HSF2BP: variants seen among roughly 807,000 people sequenced by gnomAD.
HSF2BP encodes the protein heat shock factor 2-binding protein.
In HSF2BP, 35 loss-of-function variants were observed where a neutral mutation model predicts 35.0. The ratio of observed to expected loss-of-function variants is 1.00; its 90% CI spans 0.76 to 1.32. The LOEUF (loss-of-function observed/expected upper bound fraction) is 1.32. Among genes scored for constraint, HSF2BP ranks in the 40% most tolerant of loss-of-function variants. HSF2BP has a pLI of 0.00. For synonymous variants in HSF2BP, 114 were observed against 117.4 expected (o/e 0.97, Z 0.18); for missense variants, 326 against 321.7 (o/e 1.01, Z -0.10).
chr21:43,605,357 C>A (rs2082119701), intron 7 of HSF2BP, among the ~76,000 whole-genome samples: 1 of 148,908 alleles, frequency 6.7e-6, no homozygotes, highest in African/African-American at 2.5e-5. Flanking sequence ...CCCACAAACA[C>A]ACATCACCCA....
intron 4 of HSF2BP, 41 bp from the exon 5 acceptor site, chr21:43,633,462 A>C: frequency 1.3e-6 from 2 of 1,509,304 alleles, no homozygotes; most frequent in Non-Finnish European, 1.8e-6. Context: ...AATAGCATTC[A>C]ACCTTGATAT....
At chr21:43,591,719 C>T (rs1053829726) in intron 8 of HSF2BP, among the ~76,000 whole-genome samples, 2 of 152,178 alleles carry the variant, frequency 1.3e-5, no homozygotes, top group African/African-American at 4.8e-5. Flanking sequence ...GGTCTGGAAA[C>T]ATCAAATGGA....
chr21:43,622,130 T>G (rs550749390), intron 6 of HSF2BP, among the ~76,000 whole-genome samples: 1 of 152,318 alleles, frequency 6.6e-6, no homozygotes, highest in Admixed American at 6.5e-5. Context: ...TCTAAAGATT[T>G]TTTTGTAAGC....
intron 7 of HSF2BP, among the ~76,000 whole-genome samples, chr21:43,598,966 A>T: frequency 6.6e-6 from 1 of 152,220 alleles, no homozygotes; most frequent in East Asian, 1.9e-4. Flanking sequence ...AGAGCCTAAA[A>T]TATTTTCTGT....
At chr21:43,621,464 C>G (rs749446788) in intron 6 of HSF2BP, among the ~76,000 whole-genome samples, 1 of 151,666 alleles carries the variant, frequency 6.6e-6, no homozygotes, top group Non-Finnish European at 1.5e-5. Context: ...GAGTGGAAGG[C>G]TGCAGTGAGC....
At chr21:43,628,788 A>G (rs1021819330) in intron 6 of HSF2BP, among the ~76,000 whole-genome samples, 3 of 152,216 alleles carry the variant, frequency 2.0e-5, no homozygotes, top group African/African-American at 7.2e-5. Context: ...TTAGGGGCCA[A>G]TGGTGCGGGT....
chr21:43,605,946 G>A (rs1303936297), intron 7 of HSF2BP, among the ~76,000 whole-genome samples: 2 of 152,106 alleles, frequency 1.3e-5, no homozygotes, highest in African/African-American at 2.4e-5. Context: ...ACGTGCCTCT[G>A]ACACGTGAGA....
intron 8 of HSF2BP, among the ~76,000 whole-genome samples, chr21:43,591,137 T>A (rs1012542812): frequency 1.3e-5 from 2 of 152,226 alleles, no homozygotes; most frequent in Admixed American, 1.3e-4. Flanking sequence ...GGGTGAAATG[T>A]ATACTCATTA....
Position 43,630,434 on chromosome 21 carries a change from G to A in HSF2BP, c.462C>T (p.Phe154=), listed in dbSNP as rs775098572. Residue 154 remains phenylalanine, a synonymous_variant, in exon 6 of 9, where the codon TTC becomes TTT. Transcript: ENST00000291560. ...TCTCCATTGTTTGACCAGTGATGCT[G>A]AAAAACTTCAAAGCTTTATCCTGAA... is the stretch of plus-strand genomic sequence containing the variant. ...ILGGDKALKF[F]SITGQTMESF... 3.7e-6 allele frequency: 6 copies of A among 1,611,960 alleles called. 1 individual carries two copies. The highest frequency in any genetic ancestry group is 3.3e-5 in the South Asian group (3 of 90,566).
intron 7 of HSF2BP, chr21:43,609,744 T>A (rs1300535045): frequency 6.6e-6 from 1 of 152,240 alleles, no homozygotes; most frequent in Non-Finnish European, 1.5e-5. Context: ...GCCATGAGCA[T>A]GTTGGAAGGC....
At chr21:43,614,560 G>T (rs957562849) in intron 6 of HSF2BP, among the ~76,000 whole-genome samples, 3 of 152,016 alleles carry the variant, frequency 2.0e-5, no homozygotes, top group Non-Finnish European at 4.4e-5. Context: ...GGGCAGTCAG[G>T]GTCCAAACAT....
intron 3 of HSF2BP, among the ~76,000 whole-genome samples, chr21:43,653,582 G>A (rs1186199948): frequency 6.6e-6 from 1 of 152,236 alleles, no homozygotes; most frequent in Non-Finnish European, 1.5e-5. Flanking sequence ...TTAAGCCGTA[G>A]TATGGTTTTG....
intron 6 of HSF2BP, among the ~76,000 whole-genome samples, chr21:43,619,046 C>T (rs1032248053): frequency 6.6e-6 from 1 of 152,080 alleles, no homozygotes; most frequent in Non-Finnish European, 1.5e-5. Flanking sequence ...GTGGCACAAT[C>T]GCAGCTCACT....
intron 4 of HSF2BP, among the ~76,000 whole-genome samples, chr21:43,641,199 C>T (rs1030273695): frequency 6.6e-6 from 1 of 152,094 alleles, no homozygotes; most frequent in Non-Finnish European, 1.5e-5. Context: ...CGGGGTTTCA[C>T]CGTGTTAGCC....
chr21:43,659,478 C>G lies in HSF2BP; in HGVS notation c.-317G>C, dbSNP rs1338287358. The stretch of plus-strand genomic sequence containing the variant: ...GCCGCTCCGCCAGCTGCCAGGGCCA[C>G]TGCCGCGCTCACTCCCAGAGCGCGC... On this transcript the variant is annotated 5_prime_UTR_variant, in exon 1 of 9. Transcript: ENST00000291560. The surrounding 1 kb of genome is among the most constrained non-coding windows in gnomAD (Gnocchi z 4.2). 1 of 463,080 alleles carries G rather than the reference C, an allele frequency of 2.2e-6. No homozygotes were observed. The highest frequency in any genetic ancestry group is 6.4e-5 in the East Asian group (1 of 15,540). 28.7% of individuals were successfully genotyped at this position (463,080 alleles called of 1,614,324 possible). A position where few individuals can be genotyped will look rare whatever the true frequency, so the allele number is the denominator to read the frequency against.
chr21:43,587,653 G>A (rs1237636343), intron 8 of HSF2BP, among the ~76,000 whole-genome samples: 6 of 103,836 alleles, frequency 5.8e-5, no homozygotes, highest in East Asian at 2.8e-4. Flanking sequence ...CAACAAAAGC[G>A]AAATTCTGTC....
chr21:43,496,039 ACACG>A, the HSF2BP span, among the ~76,000 whole-genome samples: 1 of 132,660 alleles, frequency 7.5e-6, no homozygotes, highest in African/African-American at 2.8e-5. Context: ...ACACACACAC[ACACG>A]CACACAGCAC....
At chr21:43,628,795 G>A (rs563259765) in intron 6 of HSF2BP, among the ~76,000 whole-genome samples, 22 of 152,306 alleles carry the variant, frequency 1.4e-4, no homozygotes, top group African/African-American at 3.6e-4. Flanking sequence ...CCAATGGTGC[G>A]GGTGACTTTA....
chr21:43,573,897 G>C (rs1303625668), intron 8 of HSF2BP, among the ~76,000 whole-genome samples: 1 of 152,194 alleles, frequency 6.6e-6, no homozygotes, highest in South Asian at 2.1e-4. Context: ...ACCTCGTGAT[G>C]AGTAGTTTCG....
Sources: allele counts gnomAD v4.1 joint callset (sites outside exome capture counted in the v4.1 genomes callset), GRCh38; gene constraint gnomAD v4.1.1; non-coding constraint Gnocchi (gnomAD v3.1); transcripts MANE v1.5; gene names NCBI Gene and HGNC (gene_info 2026-07-23, HGNC 2026-07-21).